NPAS3: variants seen among roughly 807,000 people sequenced by gnomAD.
The protein encoded by NPAS3 is neuronal PAS domain protein 3.
NPAS3 carries 14 observed loss-of-function variants against 73.1 expected under a neutral mutation model. The ratio of observed to expected loss-of-function variants is 0.19; its 90% CI spans 0.13 to 0.30. The LOEUF is 0.30. NPAS3 is among the 10% of genes least tolerant of loss of function. The pLI is 1.00. For missense variants in NPAS3, 1,096 were observed against 1,250.0 expected (o/e 0.88, Z 1.86); for synonymous variants, 620 against 541.5 (o/e 1.14, Z -2.01).
chr14:33,669,466 T>C (rs1567109538), intron 5 of NPAS3, among the ~76,000 whole-genome samples: 1 of 152,224 alleles, frequency 6.6e-6, no homozygotes, highest in Non-Finnish European at 1.5e-5. Flanking sequence ...TTTTAACTGA[T>C]GTCTCTTAAG....
At chr14:33,322,440 A>T (rs1389573402) in intron 3 of NPAS3, among the ~76,000 whole-genome samples, 4 of 150,718 alleles carry the variant, frequency 2.7e-5, no homozygotes, top group Admixed American at 2.6e-4. Context: ...GTTTTTGCTA[A>T]TTTTTTTGTA....
intron 4 of NPAS3, among the ~76,000 whole-genome samples, chr14:33,425,780 A>G (rs887321208): frequency 1.3e-5 from 2 of 152,084 alleles, no homozygotes; most frequent in Admixed American, 1.3e-4. Flanking sequence ...TTCTAAATGA[A>G]CAATTAACAA....
At chr14:33,330,105 T>C (rs1022773620) in intron 3 of NPAS3, among the ~76,000 whole-genome samples, 2 of 151,962 alleles carry the variant, frequency 1.3e-5, no homozygotes, top group Non-Finnish European at 2.9e-5. Context: ...TAGCCAGGTG[T>C]GGTGGTGCGT....
intron 4 of NPAS3, among the ~76,000 whole-genome samples, chr14:33,380,025 AG>A (rs952684927): frequency 2.4e-5 from 3 of 127,582 alleles, no homozygotes; most frequent in Non-Finnish European, 5.1e-5. Context: ...TACCTCTTTA[AG>A]CTGCACAAAG....
intron 5 of NPAS3, among the ~76,000 whole-genome samples, chr14:33,663,819 A>G (rs1595387545): frequency 2.0e-5 from 3 of 152,020 alleles, no homozygotes; most frequent in Non-Finnish European, 4.4e-5. Context: ...TAGATTTTCT[A>G]TTTTATTTGC....
At chr14:33,451,512 C>G (rs1272445998) in intron 4 of NPAS3, among the ~76,000 whole-genome samples, 1 of 152,162 alleles carries the variant, frequency 6.6e-6, no homozygotes, top group African/African-American at 2.4e-5. Context: ...GAAACTGTTA[C>G]TATTTATTTT....
chr14:32,962,546 T>A (rs1268094844), intron 1 of NPAS3, among the ~76,000 whole-genome samples: 4 of 150,722 alleles, frequency 2.7e-5, no homozygotes, highest in Non-Finnish European at 5.9e-5. Flanking sequence ...GTAGCTTTTC[T>A]TTCTTTCTTT....
chr14:33,550,142 C>A (rs754713462), intron 4 of NPAS3, among the ~76,000 whole-genome samples: 17 of 152,104 alleles, frequency 1.1e-4, no homozygotes, highest in Non-Finnish European at 1.9e-4. Flanking sequence ...AAGCCAGGAT[C>A]AATACAGCCA....
intron 4 of NPAS3, among the ~76,000 whole-genome samples, chr14:33,541,848 C>T (rs1006878311): frequency 6.6e-6 from 1 of 152,160 alleles, no homozygotes; most frequent in Non-Finnish European, 1.5e-5. Context: ...ACCAGCTAAA[C>T]CACAGACTGT....
intron 4 of NPAS3, among the ~76,000 whole-genome samples, chr14:33,556,991 G>A (rs965857497): frequency 1.3e-5 from 2 of 152,180 alleles, no homozygotes; most frequent in Non-Finnish European, 2.9e-5. Flanking sequence ...CAGGTCGAAT[G>A]GAAAATCTAA....
intron 4 of NPAS3, among the ~76,000 whole-genome samples, chr14:33,441,260 GTAT>G (rs1428420683): frequency 6.6e-6 from 1 of 152,202 alleles, no homozygotes; most frequent in East Asian, 1.9e-4. Flanking sequence ...ATGCAAATTA[GTAT>G]TATTAATTAC....
intron 1 of NPAS3, among the ~76,000 whole-genome samples, chr14:32,991,145 A>ATT (rs35615509): frequency 1.8e-4 from 26 of 147,828 alleles, no homozygotes; most frequent in African/African-American, 3.0e-4. Flanking sequence ...TAATTTTTTA[A>ATT]TTTTTTTTTT....
intron 2 of NPAS3, among the ~76,000 whole-genome samples, chr14:33,080,707 A>G (rs894319819): frequency 6.6e-6 from 1 of 152,200 alleles, no homozygotes; most frequent in African/African-American, 2.4e-5. Flanking sequence ...GTTACATTCT[A>G]ACATGATCAG....
At chr14:33,698,027 A>C (rs1303682273) in intron 6 of NPAS3, among the ~76,000 whole-genome samples, 1 of 152,154 alleles carries the variant, frequency 6.6e-6, no homozygotes, top group African/African-American at 2.4e-5. Flanking sequence ...ATGCATAGAG[A>C]CCCTTGCAGC....
At chr14:33,358,102 G>C (rs1053802321) in intron 3 of NPAS3, among the ~76,000 whole-genome samples, 32 of 152,240 alleles carry the variant, frequency 2.1e-4, no homozygotes, top group African/African-American at 6.5e-4. Flanking sequence ...TAAGTGACTG[G>C]AATCACAGCA....
At chr14:33,627,949 A>T (rs1332094448) in intron 5 of NPAS3, among the ~76,000 whole-genome samples, 1 of 152,216 alleles carries the variant, frequency 6.6e-6, no homozygotes, top group Admixed American at 6.5e-5. Context: ...ATTGGCCATC[A>T]GAGACTCGAC....
chr14:33,599,162 ATGTT>A (rs1359436820), intron 5 of NPAS3, among the ~76,000 whole-genome samples: 1 of 152,106 alleles, frequency 6.6e-6, no homozygotes, highest in African/African-American at 2.4e-5. Flanking sequence ...TCTGTCTGTT[ATGTT>A]TATGTGTCCG....
At chr14:33,314,733 G>A (rs2043140186) in intron 3 of NPAS3, among the ~76,000 whole-genome samples, 1 of 152,002 alleles carries the variant, frequency 6.6e-6, no homozygotes, top group African/African-American at 2.4e-5. Flanking sequence ...TGAATAGGAA[G>A]GGAACCTTCT....
At chr14:32,958,518 T>C (rs1289787320) in intron 1 of NPAS3, among the ~76,000 whole-genome samples, 2 of 152,194 alleles carry the variant, frequency 1.3e-5, no homozygotes, top group African/African-American at 4.8e-5. Flanking sequence ...CAGAGTTCTG[T>C]CTGGGTTTTC....
Sources: gnomAD v4.1 joint callset for allele counts (sites outside exome capture counted in the v4.1 genomes callset) on GRCh38, gnomAD v4.1.1 for gene constraint, MANE v1.5 for transcripts, NCBI Gene and HGNC (gene_info 2026-07-23, HGNC 2026-07-21) for gene names.